CCDC144A: variants seen among roughly 807,000 people sequenced by gnomAD.
The protein encoded by CCDC144A is coiled-coil domain-containing protein 144A.
CCDC144A carries 41 observed loss-of-function variants against 143.8 expected under a neutral mutation model. The ratio of observed to expected loss-of-function variants is 0.29; its 90% confidence interval spans 0.22 to 0.37. The LOEUF (loss-of-function observed/expected upper bound fraction) is 0.37, where lower values mean the gene tolerates loss of function less well. Among genes scored for constraint, CCDC144A ranks in the 10% least tolerant of loss-of-function variants. CCDC144A has a pLI of 1.00. For missense variants in CCDC144A, 637 were observed against 1,488.8 expected (o/e 0.43, Z 9.41); for synonymous variants, 242 against 517.9 (o/e 0.47, Z 7.23).
the CCDC144A span, among the ~76,000 whole-genome samples, chr17:16,670,424 A>G: frequency 6.7e-6 from 1 of 149,082 alleles, no homozygotes; most frequent in Non-Finnish European, 1.5e-5. Flanking sequence ...AGTAGCCGGG[A>G]TTACATAATC....
At chr17:16,675,535 CAAAAT>C in the CCDC144A span, among the ~76,000 whole-genome samples, 1 of 148,040 alleles carries the variant, frequency 6.8e-6, no homozygotes, top group Non-Finnish European at 1.5e-5. Context: ...ATACGGAAAA[CAAAAT>C]AAAAAAAAAA....
the CCDC144A span, among the ~76,000 whole-genome samples, chr17:16,678,091 G>T: frequency 6.6e-6 from 1 of 152,094 alleles, no homozygotes; most frequent in Middle Eastern, 3.4e-3. Context: ...TTAAAATAGG[G>T]TAGGTGCTTT....
At chr17:16,770,402 G>A (rs1375801793) in intron 15 of CCDC144A, among the ~76,000 whole-genome samples, 1 of 152,196 alleles carries the variant, frequency 6.6e-6, no homozygotes, top group Non-Finnish European at 1.5e-5. Context: ...TCCCGCCTCG[G>A]CCTCCCAAAG....
At chr17:16,688,482 C>T (rs1050020782), upstream of CCDC144A, among the ~76,000 whole-genome samples, 2,976 of 108,508 alleles carry the variant, frequency 0.027, 108 homozygotes, top group African/African-American at 0.1. Context: ...TTTTCTTTTT[C>T]TGTTTTTTTT....
chr17:16,769,987 C>G (rs1256220839), intron 15 of CCDC144A, among the ~76,000 whole-genome samples: 4 of 150,848 alleles, frequency 2.7e-5, no homozygotes, highest in Non-Finnish European at 5.9e-5. Context: ...ACCACCACGC[C>G]TGGCTAATTT....
rs1282986005 is a variant in CCDC144A at position 16,720,565 on chromosome 17, C to T, written c.1798C>T (p.Pro600Ser). 7 of 1,608,868 alleles carry T rather than the reference C, an allele frequency of 4.4e-6. No homozygotes were observed. In the Middle Eastern group the frequency reaches 1.0e-3, roughly 229 times the overall value. ...GGCTGACTTTGCTGACTCAATGGAGCCATCTGAAATAGCCTCAGAGGATTG... is the reference window on the plus strand; with the variant it reads ...GGCTGACTTTGCTGACTCAATGGAGTCATCTGAAATAGCCTCAGAGGATTG... ...PEADFADSME[P>S]SEIASEDCEL... The change falls in exon 8 of 17, where the codon CCA becomes TCA. Residue 600 changes from proline (P) to serine (S), a missense_variant. Transcript: ENST00000399273.
At chr17:16,748,380 G>A (rs990731796) in intron 12 of CCDC144A, among the ~76,000 whole-genome samples, 2 of 152,148 alleles carry the variant, frequency 1.3e-5, no homozygotes, top group African/African-American at 4.8e-5. Flanking sequence ...TTCTGTTTAT[G>A]TGGTGAAACA....
chr17:16,748,971 GTTATTTAT>G (rs59024455), intron 12 of CCDC144A, among the ~76,000 whole-genome samples: 26 of 150,500 alleles, frequency 1.7e-4, no homozygotes, highest in Admixed American at 1.2e-3. Flanking sequence ...GATGTTCTCT[GTTATTTAT>G]TTATTTATTT....
chr17:16,763,910 G>C, intron 14 of CCDC144A, 55 bp from the exon 15 acceptor site: 1 of 1,546,548 alleles, frequency 6.5e-7, no homozygotes. Flanking sequence ...AGTCATTTAG[G>C]AATCATTTAG....
At position 16,732,626 on chromosome 17, in the gene CCDC144A, A is replaced by G. The variant is rs541305367; in HGVS notation, c.2378A>G (p.Gln793Arg). ...ILQDQILTSK[Q>R]KELEMARKKM... is the part of the protein sequence containing the mutation. ...CAAGATCAGATTCTGACGAGTAAAC[A>G]AAAGGAACTAGAAATGGCTCGAAAG... Residue 793 changes from glutamine (Q) to arginine (R), a missense_variant, in exon 11 of 17, where the codon CAA (glutamine) becomes CGA (arginine). Coordinates refer to ENST00000399273, the MANE Select transcript of CCDC144A (RefSeq NM_001382000.1). 3 of 1,611,302 alleles carry G rather than the reference A, an allele frequency of 1.9e-6. No individual in the cohort carries two copies. The highest frequency in any genetic ancestry group is 3.4e-5 in the Admixed American group (2 of 59,472).
At chr17:16,704,916 T>G (rs1911958697) in intron 2 of CCDC144A, among the ~76,000 whole-genome samples, 1 of 152,066 alleles carries the variant, frequency 6.6e-6, no homozygotes, top group South Asian at 2.1e-4. Flanking sequence ...TGAATAAAAG[T>G]AAGTAATAGT....
chr17:16,669,564 C>CTCTG, the CCDC144A span, among the ~76,000 whole-genome samples: 3 of 152,218 alleles, frequency 2.0e-5, no homozygotes, highest in African/African-American at 7.2e-5. Context: ...TGGAAATGTT[C>CTCTG]TCTGTCTATG....
chr17:16,724,465 C>A (rs1197667651), intron 8 of CCDC144A, among the ~76,000 whole-genome samples: 5 of 150,698 alleles, frequency 3.3e-5, no homozygotes, highest in African/African-American at 1.2e-4. Flanking sequence ...AGCCGAGATC[C>A]CGCCACTGCA....
chr17:16,748,598 G>A (rs1183456684), intron 12 of CCDC144A, among the ~76,000 whole-genome samples: 1 of 152,076 alleles, frequency 6.6e-6, no homozygotes, highest in Non-Finnish European at 1.5e-5. Context: ...GATGATGCTG[G>A]CATCATACAA....
the CCDC144A span, chr17:16,684,151 A>C: frequency 8.5e-7 from 1 of 1,181,294 alleles, no homozygotes; most frequent in Non-Finnish European, 1.3e-6. Context: ...GGTGGAAGAC[A>C]AGTGCAGGGA....
intron 8 of CCDC144A, among the ~76,000 whole-genome samples, chr17:16,726,774 T>C (rs923121598): frequency 2.4e-4 from 37 of 151,760 alleles, no homozygotes; most frequent in African/African-American, 9.0e-4. Context: ...GTTCTTTCCC[T>C]GTACTCTGTC....
rs900686901 is a variant in CCDC144A at position 16,720,245 on chromosome 17, G to T, written c.1749+14G>T. Reference sequence around the variant, plus strand: ...GAAAAGAACGAGGTATTGTAAAAAAGGAAATGATCTAAAATATTGTTTTTA... The same window carrying T: ...GAAAAGAACGAGGTATTGTAAAAAATGAAATGATCTAAAATATTGTTTTTA... On this transcript the variant is annotated intron_variant, in intron 7 of 16. Coordinates refer to ENST00000399273, the MANE Select transcript of CCDC144A (RefSeq NM_001382000.1). 2 of 1,513,702 alleles carry T rather than the reference G, an allele frequency of 1.3e-6. No homozygotes were observed. Among genetic ancestry groups the T allele is most frequent in the African/African-American group, 2.9e-5 (2 of 70,000 alleles). The allele number at this position is 1,513,702 out of a possible 1,614,324, so 93.8% of individuals were successfully genotyped here. A position where few individuals can be genotyped will look rare whatever the true frequency, so the allele number is the denominator to read the frequency against.
chr17:16,719,470 T>A (rs1465435067), intron 6 of CCDC144A, among the ~76,000 whole-genome samples: 1 of 152,230 alleles, frequency 6.6e-6, no homozygotes, highest in Admixed American at 6.5e-5. Flanking sequence ...CTATCATCTC[T>A]CTTTAAAACA....
chr17:16,672,720 T>A, the CCDC144A span, among the ~76,000 whole-genome samples: 1 of 152,184 alleles, frequency 6.6e-6, no homozygotes, highest in African/African-American at 2.4e-5. Context: ...GCACTGTGTG[T>A]ACAATCAGTC....
Sources: gnomAD v4.1 joint callset for allele counts (sites outside exome capture counted in the v4.1 genomes callset) on GRCh38, gnomAD v4.1.1 for gene constraint, MANE v1.5 for transcripts, NCBI Gene and HGNC (gene_info 2026-07-23, HGNC 2026-07-21) for gene names.